The following CEP70 variants were observed in gnomAD, a reference collection of about 807,000 sequenced individuals.
The protein encoded by CEP70 is centrosomal protein 70, also known as centrosomal protein of 70 kDa.
Under a neutral mutation model 90.9 loss-of-function variants are expected in CEP70, and 70 were observed. That is an observed-to-expected ratio of 0.77 (90% confidence interval 0.64 to 0.94). The LOEUF (loss-of-function observed/expected upper bound fraction) is 0.94, where lower values mean the gene tolerates loss of function less well. CEP70 is among the 40% of genes least tolerant of loss of function. The pLI, the probability that CEP70 is intolerant of heterozygous loss-of-function variation, is 0.00. For missense variants in CEP70, 648 were observed against 669.0 expected (o/e 0.97, Z 0.35); for synonymous variants, 220 against 228.3 (o/e 0.96, Z 0.33).
intron 6 of CEP70, among the ~76,000 whole-genome samples, 165 bp downstream of exon 6, chr3:138,570,153 G>C: frequency 6.6e-6 from 1 of 152,022 alleles, no homozygotes; most frequent in South Asian, 2.1e-4. Context: ...AGGTCAGAGG[G>C]AAATAAAGGA....
intron 2 of CEP70, 43 bp from the exon 3 acceptor site, chr3:138,572,975 T>A (rs2041280977): frequency 1.4e-6 from 2 of 1,395,554 alleles, no homozygotes; most frequent in Non-Finnish European, 2.0e-6. Context: ...AATTAAAAAA[T>A]TTGAGTTGCC....
At chr3:138,592,070 A>G in intron 1 of CEP70, 114 bp from the exon 2 acceptor site, 1 of 520,466 alleles carries the variant, frequency 1.9e-6, no homozygotes. Context: ...TCACAGATAA[A>G]GCAGGCACAA....
chr3:138,521,568 C>T (rs1463810128), intron 11 of CEP70, among the ~76,000 whole-genome samples: 7 of 151,398 alleles, frequency 4.6e-5, no homozygotes, highest in Admixed American at 1.3e-4. Context: ...CGCCTCTGCC[C>T]GGCCGCCCTG....
intron 17 of CEP70, chr3:138,496,829 T>A: frequency 1.0e-6 from 1 of 985,426 alleles, no homozygotes; most frequent in Non-Finnish European, 1.2e-6. Flanking sequence ...AAGCAAATGA[T>A]CTTTATGAAC....
intron 4 of CEP70, 47 bp downstream of exon 4, chr3:138,571,219 G>C (rs764201593): frequency 3.2e-6 from 5 of 1,561,150 alleles, no homozygotes; most frequent in Non-Finnish European, 3.5e-6. Flanking sequence ...ATTTTTTAAG[G>C]AAAAATAAAC....
At chr3:138,567,129 A>C (rs1362646661) in intron 6 of CEP70, among the ~76,000 whole-genome samples, 1 of 152,216 alleles carries the variant, frequency 6.6e-6, no homozygotes, top group Non-Finnish European at 1.5e-5. Context: ...AATTATATTA[A>C]TAGCCCATGC....
At chr3:138,537,424 G>T in intron 6 of CEP70, 77 bp from the exon 7 acceptor site, 1 of 955,442 alleles carries the variant, frequency 1.0e-6, no homozygotes. Context: ...TGTACACAAA[G>T]GCATCTTCAT....
intron 11 of CEP70, among the ~76,000 whole-genome samples, chr3:138,512,180 G>C (rs1312064882): frequency 6.6e-6 from 1 of 152,188 alleles, no homozygotes. Flanking sequence ...AATGGGCAAA[G>C]GAGGAAGTGC....
rs1321100787 is a variant in CEP70, at chr3:138,496,410, A to C, written c.1733-1334T>G. ...ACAGAAACAATATAAGCAAACCTACAACAGAGAATTTGTTTACAATTCCCT... is the reference window on the plus strand; with the variant it reads ...ACAGAAACAATATAAGCAAACCTACCACAGAGAATTTGTTTACAATTCCCT... On this transcript the variant is annotated intron_variant, in intron 17 of 17. Coordinates refer to ENST00000264982, the MANE Select transcript of CEP70 (RefSeq NM_024491.4). 3.0e-6 allele frequency: 3 copies of C among 985,446 alleles called. No individual in the cohort carries two copies. In the African/African-American group the frequency reaches 5.2e-5, roughly 17 times the overall value. The allele number at this position is 985,446 out of a possible 1,614,324, so 61.0% of individuals were successfully genotyped here.
chr3:138,522,254 C>A (rs377010955), intron 11 of CEP70, among the ~76,000 whole-genome samples: 1 of 148,640 alleles, frequency 6.7e-6, no homozygotes, highest in Non-Finnish European at 1.5e-5. Flanking sequence ...TCCCCCTCTC[C>A]GAGAAAAACC....
At chr3:138,575,287 C>A (rs1407430800) in intron 2 of CEP70, among the ~76,000 whole-genome samples, 2 of 152,094 alleles carry the variant, frequency 1.3e-5, no homozygotes, top group Non-Finnish European at 2.9e-5. Context: ...AACCATGGCA[C>A]GAGAACTATG....
intron 11 of CEP70, among the ~76,000 whole-genome samples, chr3:138,518,613 C>T (rs1431761807): frequency 1.3e-5 from 2 of 152,202 alleles, no homozygotes. Context: ...AGACCTGCAG[C>T]TGAGGGTCCT....
At position 138,579,221 on chromosome 3, in the gene CEP70, G is replaced by T. The variant is rs530405810; in HGVS notation, c.-5-6289C>A. 1.5e-4 allele frequency among the ~76,000 whole-genome samples: 23 copies of T among 152,264 alleles called. No individual in the cohort carries two copies. The South Asian group carries it at 4.4e-3, about 29-fold the overall frequency. On this transcript the variant is annotated intron_variant, in intron 2 of 17. Coordinates refer to ENST00000264982, the MANE Select transcript of CEP70 (RefSeq NM_024491.4). Reference sequence around the variant, plus strand: ...CCCAGTAGTCAGAACTTGAGTTTCAGCAAGCCTTGCCAACGTGAGTTAAAG... The same window carrying T: ...CCCAGTAGTCAGAACTTGAGTTTCATCAAGCCTTGCCAACGTGAGTTAAAG...
intron 11 of CEP70, among the ~76,000 whole-genome samples, chr3:138,513,819 T>G (rs1013919892): frequency 6.6e-6 from 1 of 152,206 alleles, no homozygotes; most frequent in African/African-American, 2.4e-5. Context: ...GGGACAGACT[T>G]ATTTAATCAC....
At chr3:138,562,135 C>T (rs999832922) in intron 6 of CEP70, among the ~76,000 whole-genome samples, 6 of 150,330 alleles carry the variant, frequency 4.0e-5, no homozygotes, top group Admixed American at 1.3e-4. Context: ...TGAAATAAAG[C>T]GAGAAAACAA....
intron 6 of CEP70, among the ~76,000 whole-genome samples, chr3:138,565,481 CA>C (rs1479137383): frequency 3.3e-5 from 5 of 152,054 alleles, no homozygotes; most frequent in Non-Finnish European, 7.4e-5. Context: ...GTAAGGGTAC[CA>C]AAACAGATAT....
intron 16 of CEP70, among the ~76,000 whole-genome samples, chr3:138,498,632 C>G (rs2034180809): frequency 6.6e-6 from 1 of 152,080 alleles, no homozygotes; most frequent in African/African-American, 2.4e-5. Context: ...CCACGCCCAG[C>G]CAATATACAA....
At chr3:138,552,286 A>G (rs1223619401) in intron 6 of CEP70, among the ~76,000 whole-genome samples, 3 of 152,220 alleles carry the variant, frequency 2.0e-5, no homozygotes, top group African/African-American at 7.2e-5. Context: ...AAATCAACAA[A>G]GAAACAATGG....
intron 2 of CEP70, among the ~76,000 whole-genome samples, chr3:138,586,261 G>A (rs2042100809): frequency 6.6e-6 from 1 of 152,002 alleles, no homozygotes; most frequent in Non-Finnish European, 1.5e-5. Context: ...AGGTTCAAGC[G>A]ATTCTCCTGC....
Sources: allele counts gnomAD v4.1 joint callset (sites outside exome capture counted in the v4.1 genomes callset), GRCh38; gene constraint gnomAD v4.1.1; transcripts MANE v1.5; gene names NCBI Gene and HGNC (gene_info 2026-07-23, HGNC 2026-07-21).